DTNA: variants seen among roughly 807,000 people sequenced by gnomAD.
DTNA encodes the protein dystrobrevin alpha, also known as dystrophin-related protein 3.
DTNA carries 43 observed loss-of-function variants against 100.7 expected under a neutral mutation model. The observed-to-expected ratio is 0.43, with a 90% confidence interval of 0.33 to 0.55. The LOEUF is 0.55. DTNA is among the 20% of genes least tolerant of loss of function. The pLI is 0.04. For synonymous variants in DTNA, 349 were observed against 347.9 expected (o/e 1.00, Z -0.04); for missense variants, 798 against 953.9 (o/e 0.84, Z 2.15).
At chr18:34,637,963 A>T (rs1398321131) in intron 1 of DTNA, among the ~76,000 whole-genome samples, 1 of 152,234 alleles carries the variant, frequency 6.6e-6, no homozygotes, top group Non-Finnish European at 1.5e-5. Flanking sequence ...TTGCCTGGGC[A>T]TCTCCTCTTC....
chr18:34,638,991 G>GCCA (rs2058963184), intron 1 of DTNA, among the ~76,000 whole-genome samples: 1 of 152,096 alleles, frequency 6.6e-6, no homozygotes, highest in Admixed American at 6.6e-5. Flanking sequence ...ACAGCCATGT[G>GCCA]CCACCATGTC....
At chr18:34,775,684 T>TC (rs2094009778) in intron 3 of DTNA, among the ~76,000 whole-genome samples, 1 of 152,266 alleles carries the variant, frequency 6.6e-6, no homozygotes, top group East Asian at 1.9e-4. Context: ...GGGACCTCAG[T>TC]CCTATGGTCA....
At chr18:34,829,310 G>T in intron 10 of DTNA, 90 bp from the exon 11 acceptor site, 9 of 1,525,534 alleles carry the variant, frequency 5.9e-6, no homozygotes, top group Non-Finnish European at 7.0e-6. Flanking sequence ...GTTCAATAAA[G>T]CTGTGTACAC....
chr18:34,744,685 C>T (rs2091281222), intron 1 of DTNA, among the ~76,000 whole-genome samples: 1 of 152,056 alleles, frequency 6.6e-6, no homozygotes, highest in East Asian at 1.9e-4. Context: ...GCTCACAGGT[C>T]TCTTTCCTTG....
At chr18:34,792,860 A>G (rs185055001) in intron 3 of DTNA, among the ~76,000 whole-genome samples, 35 of 152,306 alleles carry the variant, frequency 2.3e-4, no homozygotes, top group Admixed American at 7.2e-4. Context: ...TCATTGTCTA[A>G]GAGAAATGGA....
chr18:34,736,069 A>G (rs2089512771), intron 1 of DTNA, among the ~76,000 whole-genome samples: 2 of 152,242 alleles, frequency 1.3e-5, no homozygotes, highest in African/African-American at 4.8e-5. Flanking sequence ...GAGGACGTCT[A>G]TACCATGAAG....
At chr18:34,884,601 C>G in intron 21 of DTNA, 127 bp from the exon 22 acceptor site, 2 of 1,061,014 alleles carry the variant, frequency 1.9e-6, no homozygotes, top group Non-Finnish European at 1.5e-6. Flanking sequence ...GAACGCTACT[C>G]TCACTCAATA....
chr18:34,735,464 T>C (rs912801042), intron 1 of DTNA, among the ~76,000 whole-genome samples: 2 of 152,184 alleles, frequency 1.3e-5, no homozygotes, highest in African/African-American at 4.8e-5. Flanking sequence ...TATGCCAGGC[T>C]CTTAGGGACT....
chr18:34,879,397 T>C (rs1385195583), intron 19 of DTNA, among the ~76,000 whole-genome samples, 154 bp from the exon 20 acceptor site: 1 of 152,258 alleles, frequency 6.6e-6, no homozygotes, highest in Non-Finnish European at 1.5e-5. Context: ...ATATCAATTC[T>C]TATTTTGAAA....
chr18:34,820,226 A>G (rs1555829718), intron 8 of DTNA, among the ~76,000 whole-genome samples: 1 of 152,018 alleles, frequency 6.6e-6, no homozygotes, highest in Non-Finnish European at 1.5e-5. Context: ...TCTTTCTTGC[A>G]CCTGGATTCC....
At chr18:34,556,561 G>A (rs2046077900) in intron 1 of DTNA, among the ~76,000 whole-genome samples, 1 of 152,024 alleles carries the variant, frequency 6.6e-6, no homozygotes, top group African/African-American at 2.4e-5. Context: ...TTTAGGGCAG[G>A]CCTGGTGGTG....
intron 1 of DTNA, among the ~76,000 whole-genome samples, chr18:34,569,886 TACAC>T (rs143877334): frequency 5.4e-5 from 8 of 147,306 alleles, no homozygotes; most frequent in African/African-American, 1.5e-4. Flanking sequence ...CATACACACA[TACAC>T]ACACACACAC....
At chr18:34,732,868 C>G (rs2088637917) in intron 1 of DTNA, among the ~76,000 whole-genome samples, 1 of 152,130 alleles carries the variant, frequency 6.6e-6, no homozygotes, top group African/African-American at 2.4e-5. Context: ...CTAAGTATGT[C>G]TATGCCAATT....
chr18:34,865,796 T>C (rs1238891553), intron 17 of DTNA, among the ~76,000 whole-genome samples: 1 of 152,232 alleles, frequency 6.6e-6, no homozygotes, highest in Admixed American at 6.5e-5. Context: ...CCCTATGGGA[T>C]AGAAGTCTAT....
intron 1 of DTNA, among the ~76,000 whole-genome samples, chr18:34,733,130 G>T (rs1209806613): frequency 6.6e-6 from 1 of 152,106 alleles, no homozygotes; most frequent in African/African-American, 2.4e-5. Flanking sequence ...AAGGCTGGAG[G>T]TCTCCTTGGG....
chr18:34,664,644 A>G (rs574165154), intron 1 of DTNA, among the ~76,000 whole-genome samples: 9 of 152,144 alleles, frequency 5.9e-5, no homozygotes, highest in Non-Finnish European at 1.0e-4. Flanking sequence ...AGACAGGTGG[A>G]AGGTGTCTGG....
chr18:34,713,157 A>T (rs1217799189), intron 1 of DTNA, among the ~76,000 whole-genome samples: 1 of 152,148 alleles, frequency 6.6e-6, no homozygotes, highest in Non-Finnish European at 1.5e-5. Context: ...CATGATCATG[A>T]TGATAATGAT....
At chr18:34,721,976 T>C (rs1352023577) in intron 1 of DTNA, among the ~76,000 whole-genome samples, 1 of 152,204 alleles carries the variant, frequency 6.6e-6, no homozygotes, top group Non-Finnish European at 1.5e-5. Flanking sequence ...GTTTTCCGGT[T>C]TGGCTAAAGT....
chr18:34,646,980 C>T (rs1457911616), intron 1 of DTNA, among the ~76,000 whole-genome samples: 1 of 145,516 alleles, frequency 6.9e-6, no homozygotes, highest in Admixed American at 6.8e-5. Flanking sequence ...TCCCAAAGTG[C>T]TGGGATTACA....
Sources: gnomAD v4.1 joint callset for allele counts (sites outside exome capture counted in the v4.1 genomes callset) on GRCh38, gnomAD v4.1.1 for gene constraint, MANE v1.5 for transcripts, NCBI Gene and HGNC (gene_info 2026-07-23, HGNC 2026-07-21) for gene names.